Variants in KAZN observed in about 807,000 individuals in gnomAD.
KAZN encodes kazrin, periplakin interacting protein, also known as kazrin.
KAZN carries 40 observed loss-of-function variants against 87.4 expected under a neutral mutation model. That is an observed-to-expected ratio of 0.46 (90% CI 0.36 to 0.60). The LOEUF (loss-of-function observed/expected upper bound fraction) is 0.60, where lower values mean the gene tolerates loss of function less well. Ranked by LOEUF, KAZN falls within the 20% of genes least tolerant of loss-of-function variation. KAZN has a pLI of 0.00. For missense variants in KAZN, 898 were observed against 1,073.9 expected, an observed-to-expected ratio of 0.84 and a Z score of 2.29; for synonymous variants, 466 against 458.3, an observed-to-expected ratio of 1.02 and a Z score of -0.22.
chr1:15,026,734 A>C (rs1240879233), intron 2 of KAZN, among the ~76,000 whole-genome samples: 1 of 148,282 alleles, frequency 6.7e-6, no homozygotes, highest in East Asian at 2.0e-4. Context: ...AAAAAAAAAA[A>C]ATGGATAGTT....
intron 1 of KAZN, among the ~76,000 whole-genome samples, chr1:14,681,984 C>T (rs1350149620): frequency 1.3e-5 from 2 of 151,938 alleles, no homozygotes; most frequent in Admixed American, 1.3e-4. Context: ...CCGCGCCCGG[C>T]CCATTTTAAC....
intron 1 of KAZN, among the ~76,000 whole-genome samples, chr1:14,170,356 T>C (rs2100256453): frequency 6.6e-6 from 1 of 151,972 alleles, no homozygotes; most frequent in East Asian, 1.9e-4. Flanking sequence ...GTTATGACTC[T>C]TTCACTGGGT....
At chr1:14,633,406 G>T (rs1679724915) in intron 1 of KAZN, among the ~76,000 whole-genome samples, 1 of 152,138 alleles carries the variant, frequency 6.6e-6, no homozygotes, top group Non-Finnish European at 1.5e-5. Flanking sequence ...AGCAGCAGAG[G>T]TTAGAGAGAT....
chr1:14,105,408 G>C (rs571469201), intron 1 of KAZN, among the ~76,000 whole-genome samples: 1 of 152,316 alleles, frequency 6.6e-6, no homozygotes, highest in South Asian at 2.1e-4. Context: ...AAGGCCCTGG[G>C]GTGGAAGGGG....
chr1:14,918,601 G>A lies in KAZN; in HGVS notation c.227-42083G>A, dbSNP rs141168074. ...TGAGACAGGAGAATTGCTTGAACTC[G>A]GGCAGCAGAGGTTGCAGTGAGCTGA... On this transcript the variant is annotated intron_variant, in intron 1 of 14. Coordinates refer to ENST00000376030, the MANE Select transcript of KAZN (RefSeq NM_201628.3). Among the ~76,000 whole-genome samples, 384 of 148,812 alleles carry A rather than the reference G, an allele frequency of 2.6e-3. 8 individuals are homozygous for A. In the East Asian group the frequency reaches 0.038, roughly 15 times the overall value.
At chr1:13,984,231 T>C (rs751407109) in intron 1 of KAZN, among the ~76,000 whole-genome samples, 2 of 152,084 alleles carry the variant, frequency 1.3e-5, no homozygotes, top group Non-Finnish European at 2.9e-5. Flanking sequence ...AGGATGGTCT[T>C]GATCTTCTGA....
At chr1:13,934,926 A>G (rs1640663104) in intron 1 of KAZN, among the ~76,000 whole-genome samples, 1 of 152,184 alleles carries the variant, frequency 6.6e-6, no homozygotes, top group African/African-American at 2.4e-5. Flanking sequence ...ATGAAATGAA[A>G]TTGAATTAGC....
At chr1:14,229,733 G>A (rs1218793309) in intron 2 of KAZN, among the ~76,000 whole-genome samples, 1 of 152,228 alleles carries the variant, frequency 6.6e-6, no homozygotes, top group African/African-American at 2.4e-5. Flanking sequence ...AGGGACACCA[G>A]CCTTCATTTC....
At chr1:14,944,538 C>T (rs1378774474) in intron 1 of KAZN, among the ~76,000 whole-genome samples, 1 of 152,184 alleles carries the variant, frequency 6.6e-6, no homozygotes, top group Non-Finnish European at 1.5e-5. Context: ...AATGAACTGC[C>T]CCAGAGAGGC....
At position 14,631,814 on chromosome 1, in the gene KAZN, TG is replaced by T. The variant is rs534411690; in HGVS notation, c.226+32596del. Reference sequence around the variant, plus strand: ...GAAGCTCTCGGGTGAAATGTACCTTTGGGGGTTGTGTATCTGAAGCTCTGTG... The same window carrying T: ...GAAGCTCTCGGGTGAAATGTACCTTTGGGGTTGTGTATCTGAAGCTCTGTG... On this transcript the variant is annotated intron_variant, in intron 1 of 14. Coordinates refer to ENST00000376030, the MANE Select transcript of KAZN (RefSeq NM_201628.3). 3.6e-3 allele frequency among the ~76,000 whole-genome samples: 556 copies of T among 152,330 alleles called. 16 individuals are homozygous for T. Among genetic ancestry groups the T allele is most frequent in the Non-Finnish European group, 8.7e-4 (59 of 68,028 alleles).
chr1:14,909,680 G>C (rs910544958), intron 1 of KAZN, among the ~76,000 whole-genome samples: 9 of 152,216 alleles, frequency 5.9e-5, no homozygotes, highest in African/African-American at 2.2e-4. Flanking sequence ...GCGGGCCAGG[G>C]CCATGTTGTG....
rs573944710 is a variant in KAZN at position 14,923,984 on chromosome 1, G to A, written c.227-36700G>A. 816 of 366,744 alleles carry A rather than the reference G, an allele frequency of 2.2e-3. 12 individuals are homozygous for A. The highest frequency in any genetic ancestry group is 0.016 in the African/African-American group (729 of 45,400). The allele number at this position is 366,744 out of a possible 1,614,324, so 22.7% of individuals were successfully genotyped here. A position where few individuals can be genotyped will look rare whatever the true frequency, so the allele number is the denominator to read the frequency against. ...GGGGATGCACCGAGTGGCGGGGGCC[G>A]GGCGCACAACGGGGCGACGCGGCGG... is the stretch of plus-strand genomic sequence containing the variant. On this transcript the variant is annotated intron_variant, in intron 1 of 14. Transcript: ENST00000376030. This position sits in a 1 kb window ranked among gnomAD's most constrained non-coding sequence, Gnocchi z 4.2.
intron 2 of KAZN, among the ~76,000 whole-genome samples, chr1:14,210,223 T>G (rs1432801716): frequency 6.6e-6 from 1 of 152,144 alleles, no homozygotes; most frequent in Non-Finnish European, 1.5e-5. Flanking sequence ...TGAATAAGTC[T>G]CATGAGAGCT....
At chr1:14,139,663 G>C (rs1645189286) in intron 1 of KAZN, among the ~76,000 whole-genome samples, 1 of 152,202 alleles carries the variant, frequency 6.6e-6, no homozygotes, top group African/African-American at 2.4e-5. Flanking sequence ...AGTGGCCAGG[G>C]CTGATTGATA....
intron 1 of KAZN, among the ~76,000 whole-genome samples, chr1:14,014,512 GAAC>G (rs1476288886): frequency 6.6e-6 from 1 of 152,068 alleles, no homozygotes; most frequent in Non-Finnish European, 1.5e-5. Context: ...GGTCCACAAA[GAAC>G]AAGAGTCCCT....
At chr1:15,012,898 G>C (rs530065337) in intron 2 of KAZN, among the ~76,000 whole-genome samples, 149 of 152,176 alleles carry the variant, frequency 9.8e-4, no homozygotes, top group Non-Finnish European at 1.9e-3. Context: ...CTCCGGCCTC[G>C]GCAACAGAAA....
rs748310449 is a variant in KAZN at position 15,114,531 on chromosome 1, T to C, written c.2224T>C (p.Tyr742His). ...CAAAGATCCCGATTTCCATGATGAC[T>C]ATGGCTCTCTTCAAAACGAAGATTG... ...SSKDPDFHDD[Y>H]GSLQNEDCGD... is the part of the protein sequence containing the mutation. The change falls in exon 15 of 15, where the codon TAT (tyrosine) becomes CAT (histidine). Residue 742 changes from tyrosine to histidine, a missense_variant. Around this residue, in one of 3 missense-constraint regions of KAZN, gnomAD observed 127 missense variants for 121.5 expected, o/e 1.04. Coordinates refer to ENST00000376030, the MANE Select transcript of KAZN (RefSeq NM_201628.3). 7 of 1,611,860 alleles carry C rather than the reference T, an allele frequency of 4.3e-6. No individual in the cohort carries two copies. Among genetic ancestry groups the C allele is most frequent in the Non-Finnish European group, 5.1e-6 (6 of 1,179,068 alleles).
At chr1:14,251,518 G>A (rs1311289452) in intron 2 of KAZN, among the ~76,000 whole-genome samples, 2 of 152,112 alleles carry the variant, frequency 1.3e-5, no homozygotes, top group African/African-American at 2.4e-5. Flanking sequence ...CTGGGAGGGA[G>A]GAAAGAGAGA....
intron 8 of KAZN, among the ~76,000 whole-genome samples, chr1:15,092,176 A>G (rs957823973): frequency 1.4e-5 from 2 of 147,040 alleles, no homozygotes; most frequent in African/African-American, 5.1e-5. Context: ...TCCTGGGTTC[A>G]AGCGATTCTC....
Sources: allele counts gnomAD v4.1 joint callset (sites outside exome capture counted in the v4.1 genomes callset), GRCh38; gene constraint gnomAD v4.1.1; regional missense constraint gnomAD v4.1.1; non-coding constraint Gnocchi (gnomAD v3.1); transcripts MANE v1.5; gene names NCBI Gene and HGNC (gene_info 2026-07-23, HGNC 2026-07-21).